Variants in PARD3 observed in about 807,000 individuals in gnomAD.
PARD3 encodes par-3 family cell polarity regulator.
PARD3 carries 75 observed loss-of-function variants against 155.4 expected under a neutral mutation model. The ratio of observed to expected loss-of-function variants is 0.48; its 90% confidence interval spans 0.40 to 0.58. PARD3 has a LOEUF of 0.58. Among genes scored for constraint, PARD3 ranks in the 20% least tolerant of loss-of-function variants. PARD3 has a pLI of 0.00. For missense variants in PARD3, 1,642 were observed against 1,721.7 expected, an observed-to-expected ratio of 0.95 and a Z score of 0.82; for synonymous variants, 576 against 610.5, an observed-to-expected ratio of 0.94 and a Z score of 0.83.
chr10:34,127,841 A>ATTGT (rs1947369680), intron 23 of PARD3, among the ~76,000 whole-genome samples: 1 of 152,030 alleles, frequency 6.6e-6, no homozygotes. Context: ...CATAGTTAAG[A>ATTGT]ATTTATCACA....
chr10:34,133,294 C>A (rs1191722532), intron 22 of PARD3, among the ~76,000 whole-genome samples: 1 of 152,156 alleles, frequency 6.6e-6, no homozygotes, highest in Non-Finnish European at 1.5e-5. Flanking sequence ...GGCTCCCGTA[C>A]CTGTACATCT....
chr10:34,645,782 C>G (rs547806842), intron 2 of PARD3, among the ~76,000 whole-genome samples: 1 of 152,262 alleles, frequency 6.6e-6, no homozygotes, highest in South Asian at 2.1e-4. Flanking sequence ...GACATGTGGA[C>G]AAACGAAAGG....
intron 2 of PARD3, among the ~76,000 whole-genome samples, chr10:34,554,919 T>C (rs77334559): frequency 0.026 from 4,005 of 152,312 alleles, 78 homozygotes; most frequent in Non-Finnish European, 0.04. Context: ...CAGAATCTAT[T>C]ACTTAATCAA....
At chr10:34,729,615 G>A (rs1232547555) in intron 1 of PARD3, among the ~76,000 whole-genome samples, 1 of 152,030 alleles carries the variant, frequency 6.6e-6, no homozygotes, top group African/African-American at 2.4e-5. Flanking sequence ...ATGTAAAATG[G>A]AAGCTAAACA....
In PARD3 at chr10:34,371,515, A is replaced by C. The variant is rs1564637843; in HGVS notation, c.1707+983T>G. 6.7e-4 allele frequency among the ~76,000 whole-genome samples: 61 copies of C among 91,524 alleles called. 1 individual carries two copies. Among genetic ancestry groups the C allele is most frequent in the African/African-American group, 9.4e-4 (10 of 10,672 alleles). 60.0% of individuals were successfully genotyped at this position (91,524 alleles called of 152,430 possible). On this transcript the variant is annotated intron_variant, in intron 12 of 24. Transcript: ENST00000374788. ...AAAAAAAAAAAAAAAAAAAAAAAAA[A>C]AAAAAAAAAAAAAAAAACAACGAAG...
chr10:34,539,447 T>C (rs1373080021), intron 2 of PARD3, among the ~76,000 whole-genome samples: 1 of 152,102 alleles, frequency 6.6e-6, no homozygotes, highest in African/African-American at 2.4e-5. Flanking sequence ...GGCGGGCAGA[T>C]CACCTAAGGT....
chr10:34,178,933 T>C (rs1950148847), intron 22 of PARD3, among the ~76,000 whole-genome samples: 1 of 152,164 alleles, frequency 6.6e-6, no homozygotes, highest in South Asian at 2.1e-4. Context: ...CAAGAATTAG[T>C]GTCAGGACTT....
chr10:34,282,666 C>T (rs768040708), intron 21 of PARD3, among the ~76,000 whole-genome samples: 1 of 152,028 alleles, frequency 6.6e-6, no homozygotes, highest in Non-Finnish European at 1.5e-5. Context: ...ATGTTTCTGT[C>T]GCTCAGATTA....
At chr10:34,571,575 G>A (rs1052987744) in intron 2 of PARD3, among the ~76,000 whole-genome samples, 1 of 152,100 alleles carries the variant, frequency 6.6e-6, no homozygotes, top group Non-Finnish European at 1.5e-5. Flanking sequence ...TCAGCATGGT[G>A]TAGCAAAACT....
At chr10:34,732,062 CCT>C (rs1458218641) in intron 1 of PARD3, among the ~76,000 whole-genome samples, 6 of 152,096 alleles carry the variant, frequency 3.9e-5, no homozygotes, top group Non-Finnish European at 8.8e-5. Context: ...GGGTGTTTTC[CCT>C]GTCTCTAACT....
intron 2 of PARD3, among the ~76,000 whole-genome samples, chr10:34,579,041 G>A (rs2087150417): frequency 6.6e-6 from 1 of 152,182 alleles, no homozygotes; most frequent in Non-Finnish European, 1.5e-5. Flanking sequence ...GGAGACCAAG[G>A]AGGGTGGATC....
intron 2 of PARD3, among the ~76,000 whole-genome samples, chr10:34,610,456 C>T (rs1445869619): frequency 6.6e-6 from 1 of 152,120 alleles, no homozygotes; most frequent in Non-Finnish European, 1.5e-5. Flanking sequence ...TAATATTAAA[C>T]AGAAATCTAG....
At position 34,709,777 on chromosome 10, in the gene PARD3, G is replaced by A. The variant is rs1347325508; in HGVS notation, c.121-13358C>T. Among the ~76,000 whole-genome samples the A allele has an allele frequency of 3.9e-5, 6 of 152,122 alleles. No homozygotes were observed. In the East Asian group the frequency reaches 1.2e-3, roughly 29 times the overall value. ...TACTTTGGGGCTATGTCATCCCGGGGCCTCCTATCTCCCACCAAACCTCCC... is the reference window on the plus strand; with the variant it reads ...TACTTTGGGGCTATGTCATCCCGGGACCTCCTATCTCCCACCAAACCTCCC... On this transcript the variant is annotated intron_variant, in intron 1 of 24. Transcript: ENST00000374788.
intron 14 of PARD3, among the ~76,000 whole-genome samples, chr10:34,351,911 G>A (rs1307996946): frequency 1.3e-5 from 2 of 152,200 alleles, no homozygotes; most frequent in East Asian, 1.9e-4. Flanking sequence ...TACAGAAAAT[G>A]AAGAGATTCA....
chr10:34,183,847 A>G (rs891057100), intron 22 of PARD3, among the ~76,000 whole-genome samples: 1 of 152,010 alleles, frequency 6.6e-6, no homozygotes, highest in African/African-American at 2.4e-5. Flanking sequence ...AAACCACTCC[A>G]CGTATGTACG....
intron 24 of PARD3, among the ~76,000 whole-genome samples, chr10:34,118,340 A>T (rs1274794614): frequency 6.6e-6 from 1 of 152,188 alleles, no homozygotes; most frequent in Non-Finnish European, 1.5e-5. Context: ...GTGATTATTT[A>T]ACATGTAAAG....
At chr10:34,687,316 T>C (rs1284589775) in intron 2 of PARD3, among the ~76,000 whole-genome samples, 1 of 152,154 alleles carries the variant, frequency 6.6e-6, no homozygotes, top group East Asian at 1.9e-4. Context: ...GTGCCCCTGT[T>C]AGCTTTTCCT....
intron 2 of PARD3, among the ~76,000 whole-genome samples, chr10:34,589,410 G>A (rs950041998): frequency 5.1e-4 from 77 of 152,012 alleles, no homozygotes; most frequent in Non-Finnish European, 9.1e-4. Context: ...TCATTAGAGT[G>A]GGCCCTAATC....
chr10:34,377,996 G>C lies in PARD3; in HGVS notation c.1510C>G (p.Arg504Gly). 2 of 1,585,428 alleles carry C rather than the reference G, an allele frequency of 1.3e-6. No homozygotes were observed. The highest frequency in any genetic ancestry group is 1.7e-6 in the Non-Finnish European group (2 of 1,169,242). ...LPRGAAIQDGRLKAGDRLIEV... is the reference protein window; with the variant it reads ...LPRGAAIQDGGLKAGDRLIEV... ...ATAAGTCTGTCTCCTGCCTTAAGTC[G>C]GCCATCCTGAATGGCCGCCCCCCGG... Residue 504 changes from arginine to glycine, a missense_variant, in exon 10 of 25, where the codon CGA becomes GGA. Transcript: ENST00000374788.
Sources: allele counts gnomAD v4.1 joint callset (sites outside exome capture counted in the v4.1 genomes callset), GRCh38; gene constraint gnomAD v4.1.1; transcripts MANE v1.5; gene names NCBI Gene and HGNC (gene_info 2026-07-23, HGNC 2026-07-21).